Variants in WWP1 observed in about 807,000 individuals in gnomAD.
The protein encoded by WWP1 is WW domain containing E3 ubiquitin protein ligase 1.
A neutral mutation model predicts 130.6 loss-of-function variants in WWP1; 49 were observed. The observed-to-expected ratio is 0.38, with a 90% CI of 0.30 to 0.48. WWP1 has a LOEUF of 0.48. WWP1 is among the 20% of genes least tolerant of loss of function. The pLI is 0.99. For synonymous variants in WWP1, 332 were observed against 367.8 expected, an observed-to-expected ratio of 0.90 and a Z score of 1.11; for missense variants, 809 against 1,100.6, an observed-to-expected ratio of 0.74 and a Z score of 3.75.
At chr8:86,459,033 T>C (rs1297217044) in intron 22 of WWP1, among the ~76,000 whole-genome samples, 8 of 122,706 alleles carry the variant, frequency 6.5e-5, no homozygotes, top group Admixed American at 8.1e-5. Flanking sequence ...CTTTTTTTTT[T>C]TTTTTTTTTT....
At chr8:86,394,088 T>C (rs1201930658) in intron 5 of WWP1, among the ~76,000 whole-genome samples, 1 of 152,252 alleles carries the variant, frequency 6.6e-6, no homozygotes, top group Non-Finnish European at 1.5e-5. Flanking sequence ...TATTGTTATT[T>C]TTAGCCAGTA....
intron 14 of WWP1, 52 bp downstream of exon 14, chr8:86,431,795 G>C: frequency 6.3e-7 from 1 of 1,595,584 alleles, no homozygotes. Context: ...GAGCACATGA[G>C]ATTTAGTCTC....
intron 5 of WWP1, among the ~76,000 whole-genome samples, chr8:86,395,984 C>T (rs1276739217): frequency 2.0e-5 from 3 of 152,140 alleles, no homozygotes; most frequent in Non-Finnish European, 4.4e-5. Context: ...AGCCAAATCA[C>T]CAAATTCCAG....
intron 8 of WWP1, among the ~76,000 whole-genome samples, chr8:86,407,180 T>C (rs898855085): frequency 6.6e-6 from 1 of 152,206 alleles, no homozygotes; most frequent in African/African-American, 2.4e-5. Context: ...CATAAGATTT[T>C]AATTTTTTGC....
chr8:86,360,244 GT>G (rs771555722), intron 1 of WWP1, among the ~76,000 whole-genome samples: 3 of 151,796 alleles, frequency 2.0e-5, no homozygotes, highest in South Asian at 2.1e-4. Context: ...GTTTCTGGTG[GT>G]TTTTTTTGCT....
chr8:86,361,251 G>C (rs1823578107), intron 1 of WWP1, among the ~76,000 whole-genome samples: 1 of 151,986 alleles, frequency 6.6e-6, no homozygotes, highest in African/African-American at 2.4e-5. Context: ...TGGTAGTGAT[G>C]GTAAGAAGTA....
At chr8:86,396,745 C>A (rs1020926561) in intron 5 of WWP1, among the ~76,000 whole-genome samples, 2 of 151,960 alleles carry the variant, frequency 1.3e-5, no homozygotes, top group African/African-American at 4.8e-5. Flanking sequence ...AGGCACATGC[C>A]ACTGCACCTG....
rs746657886 is a variant in WWP1 at position 86,435,506 on chromosome 8, T to C, written c.1656T>C (p.Ala552=). The change falls in exon 15 of 25, where the codon GCT becomes GCC. Residue 552 remains alanine, a synonymous_variant. Coordinates refer to ENST00000517970, the MANE Select transcript of WWP1 (RefSeq NM_007013.4). ...AACGCGGCTTTAGGTGGAAGCTTGC[T>C]CACTTCCGTTATTTGTGCCAGGTAC... ...AYERGFRWKL[A]HFRYLCQSNA... is the part of the protein sequence containing the mutation. 1 of 1,614,212 alleles carries C rather than the reference T, an allele frequency of 6.2e-7. No homozygotes were observed. Among genetic ancestry groups the C allele is most frequent in the South Asian group, 1.1e-5 (1 of 91,086 alleles).
rs368952788 is a variant in WWP1, at chr8:86,411,894, G to T, written c.1061+20G>T. 1 of 1,566,980 alleles carries T rather than the reference G, an allele frequency of 6.4e-7. No individual in the cohort carries two copies. The highest frequency in any genetic ancestry group is 1.4e-5 in the African/African-American group (1 of 73,316). On this transcript the variant is annotated intron_variant, in intron 9 of 24. Transcript: ENST00000517970. Reference sequence around the variant, plus strand: ...ATCAGGGTATGTTAAGCTTTTTAATGTCTGACTTGCATTTAAGTAGCAACT... The same window carrying T: ...ATCAGGGTATGTTAAGCTTTTTAATTTCTGACTTGCATTTAAGTAGCAACT...
chr8:86,415,384 A>G (rs367645058), intron 9 of WWP1, among the ~76,000 whole-genome samples: 1 of 152,074 alleles, frequency 6.6e-6, no homozygotes, highest in African/African-American at 2.4e-5. Flanking sequence ...TTGACCCTTT[A>G]TTGTGCTTGC....
chr8:86,389,797 C>T (rs1300175936), intron 5 of WWP1, among the ~76,000 whole-genome samples: 2 of 148,636 alleles, frequency 1.3e-5, no homozygotes, highest in Non-Finnish European at 3.0e-5. Flanking sequence ...CCGCCCCCCA[C>T]CTCCCTCCCA....
rs560475132 is a variant in WWP1 at position 86,467,204 on chromosome 8, G to C, written c.*311G>C. The C allele has an allele frequency of 5.3e-6, 1 of 188,894 alleles. No individual in the cohort carries two copies. Among genetic ancestry groups the C allele is most frequent in the African/African-American group, 2.4e-5 (1 of 42,174 alleles). 11.7% of individuals were successfully genotyped at this position (188,894 alleles called of 1,614,324 possible). ...TGGCTCTAGTTTTATAGAGCTCCAA[G>C]TGTATTAAACATGACAGCCATTCAT... On this transcript the variant is annotated 3_prime_UTR_variant, in exon 25 of 25. Coordinates refer to ENST00000517970, the MANE Select transcript of WWP1 (RefSeq NM_007013.4).
intron 1 of WWP1, among the ~76,000 whole-genome samples, chr8:86,351,039 G>C (rs1055343844): frequency 1.3e-5 from 2 of 152,194 alleles, no homozygotes; most frequent in African/African-American, 2.4e-5. Context: ...TTTAAAGTCA[G>C]GCAGACCTGA....
chr8:86,426,509 T>C (rs910486187), intron 10 of WWP1, among the ~76,000 whole-genome samples: 3 of 152,084 alleles, frequency 2.0e-5, no homozygotes, highest in African/African-American at 7.2e-5. Context: ...TTCTGGTTGG[T>C]AGAGAAATAG....
At chr8:86,440,473 C>T (rs996232699) in intron 17 of WWP1, among the ~76,000 whole-genome samples, 1 of 152,128 alleles carries the variant, frequency 6.6e-6, no homozygotes, top group African/African-American at 2.4e-5. Flanking sequence ...AATACTCAGA[C>T]ATTGCTTTAC....
chr8:86,390,827 A>C (rs1248370217), intron 5 of WWP1, among the ~76,000 whole-genome samples: 2 of 152,112 alleles, frequency 1.3e-5, no homozygotes, highest in African/African-American at 4.8e-5. Flanking sequence ...ACCATATCAG[A>C]ATAGATTTTG....
At chr8:86,464,665 G>A (rs531186953) in intron 24 of WWP1, among the ~76,000 whole-genome samples, 89 of 152,176 alleles carry the variant, frequency 5.8e-4, no homozygotes, top group Non-Finnish European at 1.1e-3. Context: ...ACCAGTGCAC[G>A]CCACTATGCC....
intron 2 of WWP1, 121 bp from the exon 3 acceptor site, chr8:86,373,909 G>T (rs896755130): frequency 1.4e-6 from 1 of 707,642 alleles, no homozygotes; most frequent in Non-Finnish European, 2.3e-6. Flanking sequence ...ATGGTAATAG[G>T]CTTGATAATT....
intron 20 of WWP1, among the ~76,000 whole-genome samples, chr8:86,450,632 A>G (rs2130751058): frequency 6.6e-6 from 1 of 152,378 alleles, no homozygotes; most frequent in East Asian, 1.9e-4. Context: ...ATTGATAGCT[A>G]ATCATGAATG....
Sources: gnomAD v4.1 joint callset for allele counts (sites outside exome capture counted in the v4.1 genomes callset) on GRCh38, gnomAD v4.1.1 for gene constraint, MANE v1.5 for transcripts, NCBI Gene and HGNC (gene_info 2026-07-23, HGNC 2026-07-21) for gene names.